The following PPM1L variants were observed in gnomAD, a reference collection of about 807,000 sequenced individuals.
The protein encoded by PPM1L is protein phosphatase 1L.
PPM1L carries 13 observed loss-of-function variants against 31.4 expected under a neutral mutation model. That is an observed-to-expected ratio of 0.41 (90% CI 0.27 to 0.66). The LOEUF is 0.66. PPM1L is among the 30% of genes least tolerant of loss of function. PPM1L has a pLI of 0.29. For missense variants in PPM1L, 326 were observed against 453.7 expected, an observed-to-expected ratio of 0.72 and a Z score of 2.56; for synonymous variants, 184 against 175.4, an observed-to-expected ratio of 1.05 and a Z score of -0.39.
chr3:160,783,125 C>G (rs912052034), intron 1 of PPM1L, among the ~76,000 whole-genome samples: 1 of 152,166 alleles, frequency 6.6e-6, no homozygotes, highest in Non-Finnish European at 1.5e-5. Flanking sequence ...AAAAGGCTTC[C>G]TCCTTTAGAG....
intron 2 of PPM1L, among the ~76,000 whole-genome samples, chr3:161,040,487 A>G (rs9847866): frequency 0.64 from 97,997 of 152,096 alleles, 34,157 homozygotes; most frequent in East Asian, 0.97. Context: ...CCCTGACTCT[A>G]CATAAAGTTA....
chr3:161,073,078 C>T lies in PPM1L; in HGVS notation c.*3921C>T, dbSNP rs1719982871. On this transcript the variant is annotated 3_prime_UTR_variant, in exon 4 of 4. Coordinates refer to ENST00000498165, the MANE Select transcript of PPM1L (RefSeq NM_139245.4). ...GTAGAAATAATAGAATCCAGTGTTT[C>T]CCAAAGTGTGTTCCAAAGAACACAA... 1 of 152,180 alleles carries T rather than the reference C, an allele frequency of 6.6e-6. No homozygotes were observed. 9.4% of individuals were successfully genotyped at this position (152,180 alleles called of 1,614,324 possible).
intron 1 of PPM1L, among the ~76,000 whole-genome samples, chr3:160,922,654 A>T (rs1392454950): frequency 6.6e-6 from 1 of 152,226 alleles, no homozygotes; most frequent in African/African-American, 2.4e-5. Context: ...AGATAGATTG[A>T]ATTTGGATAT....
chr3:160,840,126 G>C (rs2108103980), intron 1 of PPM1L, among the ~76,000 whole-genome samples: 1 of 152,314 alleles, frequency 6.6e-6, no homozygotes, highest in East Asian at 1.9e-4. Context: ...GGAACAAATG[G>C]TAAGTGGTGT....
chr3:160,886,386 A>G (rs2108042032), intron 1 of PPM1L, among the ~76,000 whole-genome samples: 1 of 152,310 alleles, frequency 6.6e-6, no homozygotes. Context: ...TGTTCCCTGT[A>G]CCACCTAAAT....
At chr3:160,860,976 G>T (rs1172834744) in intron 1 of PPM1L, among the ~76,000 whole-genome samples, 1 of 152,134 alleles carries the variant, frequency 6.6e-6, no homozygotes, top group African/African-American at 2.4e-5. Context: ...TATGAATTTT[G>T]GGGGAACACA....
intron 2 of PPM1L, among the ~76,000 whole-genome samples, chr3:161,045,111 G>C (rs1719020200): frequency 6.6e-6 from 1 of 152,178 alleles, no homozygotes; most frequent in Non-Finnish European, 1.5e-5. Context: ...GGAGCACCCA[G>C]ATTCATAAAG....
At chr3:161,024,047 C>T (rs555689901) in intron 2 of PPM1L, among the ~76,000 whole-genome samples, 9 of 151,998 alleles carry the variant, frequency 5.9e-5, no homozygotes, top group South Asian at 2.1e-4. Flanking sequence ...GAGGCCCAGA[C>T]GGGCAGATCA....
intron 2 of PPM1L, among the ~76,000 whole-genome samples, chr3:160,975,350 A>G (rs1243087512): frequency 1.3e-5 from 2 of 151,988 alleles, no homozygotes; most frequent in Admixed American, 6.6e-5. Flanking sequence ...TGACTTGGCG[A>G]TGCGGGCTCT....
intron 1 of PPM1L, among the ~76,000 whole-genome samples, chr3:160,808,525 C>T (rs1204841826): frequency 6.6e-6 from 1 of 152,082 alleles, no homozygotes; most frequent in African/African-American, 2.4e-5. Flanking sequence ...GCTGGGGGGC[C>T]TCCCTTTCCA....
chr3:161,070,821 G>A lies in PPM1L; in HGVS notation c.*1664G>A. 6.6e-6 allele frequency: 1 copy of A among 152,178 alleles called. No homozygotes were observed. Among genetic ancestry groups the A allele is most frequent in the East Asian group, 1.9e-4 (1 of 5,198 alleles). 9.4% of individuals were successfully genotyped at this position (152,178 alleles called of 1,614,324 possible). On this transcript the variant is annotated 3_prime_UTR_variant, in exon 4 of 4. Coordinates refer to ENST00000498165, the MANE Select transcript of PPM1L (RefSeq NM_139245.4). ...CAAAGCAGTGTCCAGGAGAGAATTT[G>A]AGAGAGTGAAGAAATTGCCTTGTAG... is the stretch of plus-strand genomic sequence containing the variant.
At chr3:161,021,637 A>G (rs1160422536) in intron 2 of PPM1L, among the ~76,000 whole-genome samples, 2 of 151,958 alleles carry the variant, frequency 1.3e-5, no homozygotes, top group Non-Finnish European at 1.5e-5. Flanking sequence ...GTTGTCATCT[A>G]TTATTGTTGA....
chr3:160,757,700 C>T (rs1455869), intron 1 of PPM1L, among the ~76,000 whole-genome samples: 63,621 of 152,122 alleles, frequency 0.42, 14,054 homozygotes, highest in East Asian at 0.6. Context: ...CGGTTTGTAA[C>T]GGGTTCATTG....
chr3:160,984,269 A>C, intron 2 of PPM1L, among the ~76,000 whole-genome samples: 1 of 152,138 alleles, frequency 6.6e-6, no homozygotes, highest in Non-Finnish European at 1.5e-5. Context: ...GTTAATTATT[A>C]ATATTCCTTA....
At chr3:161,044,461 A>T (rs1718999123) in intron 2 of PPM1L, among the ~76,000 whole-genome samples, 2 of 151,856 alleles carry the variant, frequency 1.3e-5, no homozygotes, top group Non-Finnish European at 2.9e-5. Flanking sequence ...AAATTTTCTG[A>T]GGACCAGCTG....
chr3:160,907,919 C>T (rs1211812819), intron 1 of PPM1L, among the ~76,000 whole-genome samples: 1 of 152,190 alleles, frequency 6.6e-6, no homozygotes, highest in African/African-American at 2.4e-5. Context: ...CTTGCCTCCC[C>T]TTGGCCAAAC....
At chr3:160,959,210 TATC>T (rs1162520844) in intron 1 of PPM1L, among the ~76,000 whole-genome samples, 5 of 151,892 alleles carry the variant, frequency 3.3e-5, no homozygotes. Context: ...GAAAACCAAA[TATC>T]ATAAATTCTC....
At chr3:161,017,601 A>G (rs973079880) in intron 2 of PPM1L, among the ~76,000 whole-genome samples, 11 of 152,172 alleles carry the variant, frequency 7.2e-5, no homozygotes, top group African/African-American at 2.7e-4. Context: ...TTCTAAGCCC[A>G]GAATTGTCGT....
intron 2 of PPM1L, among the ~76,000 whole-genome samples, chr3:161,045,982 G>A (rs557125740): frequency 2.0e-5 from 3 of 151,816 alleles, no homozygotes; most frequent in South Asian, 4.2e-4. Context: ...GTGGTGGCAG[G>A]TGCCTGTAGT....
Sources: gnomAD v4.1 joint callset for allele counts (sites outside exome capture counted in the v4.1 genomes callset) on GRCh38, gnomAD v4.1.1 for gene constraint, MANE v1.5 for transcripts, NCBI Gene and HGNC (gene_info 2026-07-23, HGNC 2026-07-21) for gene names.